PEDS1: variants seen among roughly 807,000 people sequenced by gnomAD.
The protein encoded by PEDS1 is plasmanylethanolamine desaturase 1.
Under a neutral mutation model 35.2 loss-of-function variants are expected in PEDS1, and 14 were observed. The observed-to-expected ratio is 0.40, with a 90% CI of 0.26 to 0.62. The LOEUF (loss-of-function observed/expected upper bound fraction) is 0.62, where lower values mean the gene tolerates loss of function less well. Among genes scored for constraint, PEDS1 ranks in the 20% least tolerant of loss-of-function variants. The pLI is 0.44. For missense variants in PEDS1, 260 were observed against 367.8 expected, an observed-to-expected ratio of 0.71 and a Z score of 2.40; for synonymous variants, 152 against 152.0, an observed-to-expected ratio of 1.00 and a Z score of 0.00.
chr20:50,138,139 T>C (rs988149500), intron 2 of PEDS1, among the ~76,000 whole-genome samples: 2 of 152,226 alleles, frequency 1.3e-5, no homozygotes, highest in Non-Finnish European at 2.9e-5. Flanking sequence ...CTGTACTATC[T>C]GCCCCATCCT....
At chr20:50,151,145 A>C in intron 1 of PEDS1, 1 of 850,104 alleles carries the variant, frequency 1.2e-6, no homozygotes, top group Non-Finnish European at 1.7e-6. Context: ...CACAGTGAGC[A>C]GATAGAAGCA....
chr20:50,151,716 G>A (rs1262708563), intron 1 of PEDS1, among the ~76,000 whole-genome samples: 1 of 152,066 alleles, frequency 6.6e-6, no homozygotes, highest in Admixed American at 6.6e-5. Context: ...AAAATTAGCC[G>A]GGCATGGTGG....
At chr20:50,143,701 C>CT (rs10574784) in intron 1 of PEDS1, 80 bp from the exon 2 acceptor site, 76,309 of 1,107,706 alleles carry the variant, frequency 0.069, no homozygotes, top group South Asian at 0.094. Flanking sequence ...CTTTTCTTTT[C>CT]TTTTTTTTTT....
Position 50,143,578 on chromosome 20 carries a change from G to T in PEDS1, c.165C>A (p.Ser55Arg). Reference protein sequence around the residue: ...QEWCSVILCFSLIAHNLVHLL... With the variant: ...QEWCSVILCFRLIAHNLVHLL... ...GATGGACCAGGTTGTGGGCGATGAG[G>T]CTGAAGCACAGGATCACAGAGCACC... Residue 55 changes from serine to arginine, a missense_variant, in exon 2 of 6, where the codon AGC (serine) becomes AGA (arginine). This residue lies in a region of PEDS1 where 114 missense variants were observed against 121.6 expected (regional missense o/e 0.94). Transcript: ENST00000371652. 1 of 1,614,096 alleles carries T rather than the reference G, an allele frequency of 6.2e-7. No individual in the cohort carries two copies. Among genetic ancestry groups the T allele is most frequent in the Non-Finnish European group, 8.5e-7 (1 of 1,180,010 alleles).
In PEDS1 at chr20:50,129,409, AT is replaced by A; in HGVS notation, c.478+136del. Reference sequence around the variant, plus strand: ...CTCCATCTTCATGTCAGGTTTCCTGATTTTACATGAAGACAATGAATGAAAA... The same window carrying A: ...CTCCATCTTCATGTCAGGTTTCCTGATTTACATGAAGACAATGAATGAAAA... On this transcript the variant is annotated intron_variant, in intron 4 of 5. Transcript: ENST00000371652. The surrounding 1 kb of genome is among the most constrained non-coding windows in gnomAD (Gnocchi z 4.2). The A allele has an allele frequency of 7.4e-7, 1 of 1,350,718 alleles. No homozygotes were observed. The highest frequency in any genetic ancestry group is 9.8e-7 in the Non-Finnish European group (1 of 1,019,314). The allele number at this position is 1,350,718 out of a possible 1,614,324, so 83.7% of individuals were successfully genotyped here. A position where few individuals can be genotyped will look rare whatever the true frequency, so the allele number is the denominator to read the frequency against.
intron 2 of PEDS1, among the ~76,000 whole-genome samples, chr20:50,140,514 C>A (rs902981322): frequency 6.6e-6 from 1 of 152,256 alleles, no homozygotes; most frequent in East Asian, 1.9e-4. Flanking sequence ...TCCCCAAACA[C>A]ACGAGGCACG....
intron 1 of PEDS1, among the ~76,000 whole-genome samples, chr20:50,147,925 G>A (rs1321645552): frequency 1.3e-5 from 2 of 152,030 alleles, no homozygotes; most frequent in African/African-American, 4.8e-5. Flanking sequence ...GTGTGGTGGT[G>A]TGCACCTGTA....
intron 1 of PEDS1, 82 bp from the exon 2 acceptor site, chr20:50,143,703 T>TC (rs927043308): frequency 3.5e-6 from 3 of 861,710 alleles, no homozygotes; most frequent in Non-Finnish European, 4.5e-6. Context: ...TTTCTTTTCT[T>TC]TTTTTTTTTT....
At chr20:50,139,152 A>C (rs1162740548) in intron 2 of PEDS1, among the ~76,000 whole-genome samples, 1 of 151,982 alleles carries the variant, frequency 6.6e-6, no homozygotes, top group Non-Finnish European at 1.5e-5. Flanking sequence ...CGAGCCTGGG[A>C]CTTCTCTGAC....
At chr20:50,131,944 C>T (rs1453618827) in intron 2 of PEDS1, among the ~76,000 whole-genome samples, 1 of 151,940 alleles carries the variant, frequency 6.6e-6, no homozygotes, top group African/African-American at 2.4e-5. Context: ...TGGCTCACAC[C>T]TGTAATCCCA....
rs1049262837 is a variant in PEDS1 at position 50,119,482 on chromosome 20, G to A, written c.*5576C>T. The stretch of plus-strand genomic sequence containing the variant: ...TCAAGTCCATTCCATCCTGAAGGTG[G>A]AACACTATGCAGCTGTAAAAAATAA... On this transcript the variant is annotated 3_prime_UTR_variant, in exon 6 of 6. Coordinates refer to ENST00000371652, the MANE Select transcript of PEDS1 (RefSeq NM_199129.4). 6.6e-6 allele frequency: 1 copy of A among 150,934 alleles called. No individual in the cohort carries two copies. The highest frequency in any genetic ancestry group is 1.5e-5 in the Non-Finnish European group (1 of 67,844). 9.3% of individuals were successfully genotyped at this position (150,934 alleles called of 1,614,324 possible).
intron 3 of PEDS1, among the ~76,000 whole-genome samples, chr20:50,130,256 G>A (rs556997862): frequency 1.3e-5 from 2 of 152,330 alleles, no homozygotes; most frequent in East Asian, 3.9e-4. Flanking sequence ...GAAACTACAG[G>A]GAAGGAGAAA....
At chr20:50,127,653 G>C (rs1268396392) in intron 5 of PEDS1, among the ~76,000 whole-genome samples, 1 of 152,158 alleles carries the variant, frequency 6.6e-6, no homozygotes, top group Non-Finnish European at 1.5e-5. Flanking sequence ...GCTGATTCAT[G>C]CTATTTTGTT....
At chr20:50,142,686 C>CCCG (rs1555884378) in intron 2 of PEDS1, among the ~76,000 whole-genome samples, 1 of 88,656 alleles carries the variant, frequency 1.1e-5, no homozygotes, top group Non-Finnish European at 2.6e-5. Flanking sequence ...TCATCCGCCC[C>CCCG]CCCCCCCCCG....
At chr20:50,132,551 C>T (rs1434776614) in intron 2 of PEDS1, among the ~76,000 whole-genome samples, 1 of 152,166 alleles carries the variant, frequency 6.6e-6, no homozygotes, top group African/African-American at 2.4e-5. Flanking sequence ...TCCCTGGACA[C>T]CTGATGGAAA....
Position 50,121,020 on chromosome 20 carries a change from C to T in PEDS1, c.*4038G>A, listed in dbSNP as rs1279351983. 1.3e-5 allele frequency: 2 copies of T among 152,474 alleles called. No homozygotes were observed. The highest frequency in any genetic ancestry group is 2.1e-4 in the South Asian group (1 of 4,824). The allele number at this position is 152,474 out of a possible 1,614,324, so 9.4% of individuals were successfully genotyped here. On this transcript the variant is annotated 3_prime_UTR_variant, in exon 6 of 6. Coordinates refer to ENST00000371652, the MANE Select transcript of PEDS1 (RefSeq NM_199129.4). Reference sequence around the variant, plus strand: ...GCCACTACCCTGTGCCACCACCAGACAGCAGCACATGCCTACCTGAAACCA... The same window carrying T: ...GCCACTACCCTGTGCCACCACCAGATAGCAGCACATGCCTACCTGAAACCA...
chr20:50,143,558 A>G lies in PEDS1; in HGVS notation c.185T>C (p.Val62Ala), dbSNP rs1292812731. ...LCFSLIAHNL[V>A]HLLLLARWED... is the part of the protein sequence containing the mutation. ...CCAGCGGGCCAGCAGCAGGAGATGGACCAGGTTGTGGGCGATGAGGCTGAA... is the reference window on the plus strand; with the variant it reads ...CCAGCGGGCCAGCAGCAGGAGATGGGCCAGGTTGTGGGCGATGAGGCTGAA... Residue 62 changes from valine to alanine, a missense_variant, in exon 2 of 6, where the codon GTC becomes GCC. Physicochemically the swap from Val to Ala is moderately conservative, Grantham distance 64 (BLOSUM62 0). This residue lies in a region of PEDS1 where 114 missense variants were observed against 121.6 expected (regional missense o/e 0.94). Coordinates refer to ENST00000371652, the MANE Select transcript of PEDS1 (RefSeq NM_199129.4). 1 of 1,613,756 alleles carries G rather than the reference A, an allele frequency of 6.2e-7. No individual in the cohort carries two copies. Among genetic ancestry groups the G allele is most frequent in the African/African-American group, 1.3e-5 (1 of 74,894 alleles).
chr20:50,146,684 G>C (rs1478127290), intron 1 of PEDS1, among the ~76,000 whole-genome samples: 2 of 152,176 alleles, frequency 1.3e-5, no homozygotes, highest in Non-Finnish European at 1.5e-5. Flanking sequence ...CCAAGGCTCA[G>C]AAGGGGAACG....
At chr20:50,136,583 C>T (rs2081236592) in intron 2 of PEDS1, among the ~76,000 whole-genome samples, 1 of 151,934 alleles carries the variant, frequency 6.6e-6, no homozygotes, top group Non-Finnish European at 1.5e-5. Context: ...ATTAGCCGAC[C>T]ATGGTGGTGT....
Sources: allele counts gnomAD v4.1 joint callset (sites outside exome capture counted in the v4.1 genomes callset), GRCh38; gene constraint gnomAD v4.1.1; regional missense constraint gnomAD v4.1.1; non-coding constraint Gnocchi (gnomAD v3.1); transcripts MANE v1.5; gene names NCBI Gene and HGNC (gene_info 2026-07-23, HGNC 2026-07-21).